Variants in CALN1 observed in about 807,000 individuals in gnomAD.
CALN1 encodes the protein calcium-binding protein 8.
Under a neutral mutation model 30.6 loss-of-function variants are expected in CALN1, and 17 were observed. The ratio of observed to expected loss-of-function variants is 0.56; its 90% CI spans 0.38 to 0.83. CALN1 has a LOEUF of 0.83. Among genes scored for constraint, CALN1 ranks in the 40% least tolerant of loss-of-function variants. CALN1 has a pLI of 0.00. For missense variants in CALN1, 291 were observed against 354.9 expected, an observed-to-expected ratio of 0.82 and a Z score of 1.45; for synonymous variants, 156 against 131.4, an observed-to-expected ratio of 1.19 and a Z score of -1.28.
In CALN1 at chr7:72,013,515, G is replaced by A. The variant is rs117577972; in HGVS notation, c.501+10142C>T. ...GATCCTCCTGTCTTAGCCTCCCAAC[G>A]TGTTGGAATTACAGACAGGAGATAC... On this transcript the variant is annotated intron_variant, in intron 5 of 6. Coordinates refer to ENST00000395275, the MANE Select transcript of CALN1 (RefSeq NM_031468.4). Among the ~76,000 whole-genome samples the A allele has an allele frequency of 5.8e-3, 880 of 152,058 alleles. 9 individuals carry two copies. Among genetic ancestry groups the A allele is most frequent in the Non-Finnish European group, 8.2e-3 (560 of 67,972 alleles).
chr7:71,910,814 C>CT (rs1297298631), intron 5 of CALN1, among the ~76,000 whole-genome samples: 1 of 152,118 alleles, frequency 6.6e-6, no homozygotes, highest in Non-Finnish European at 1.5e-5. Flanking sequence ...TCCTATGAAC[C>CT]TGGGCACTAC....
intron 3 of CALN1, among the ~76,000 whole-genome samples, chr7:72,227,818 C>CCAGCCTGGGCAACAGAGCAAGACTCCG (rs1562767546): frequency 6.6e-6 from 1 of 152,060 alleles, no homozygotes. Context: ...CCACTGCACT[C>CCAGCCTGGGCAACAGAGCAAGACTCCG]TGAATCATTA....
chr7:72,226,809 A>G (rs11976062), intron 3 of CALN1, among the ~76,000 whole-genome samples: 83,107 of 151,946 alleles, frequency 0.55, 22,927 homozygotes, highest in South Asian at 0.65. Context: ...TTGGGAGGCC[A>G]AGGTGAGCAG....
At chr7:72,378,919 G>C (rs542731440) in intron 2 of CALN1, among the ~76,000 whole-genome samples, 112 of 152,150 alleles carry the variant, frequency 7.4e-4, no homozygotes, top group African/African-American at 2.5e-3. Flanking sequence ...ATGAATGTTG[G>C]ATTTTGTTAA....
At chr7:72,002,203 A>G (rs1309851693) in intron 5 of CALN1, among the ~76,000 whole-genome samples, 1 of 152,186 alleles carries the variant, frequency 6.6e-6, no homozygotes, top group East Asian at 1.9e-4. Context: ...TTGATCCTGA[A>G]AAACCACTGT....
chr7:72,162,933 G>A (rs1039407877), intron 3 of CALN1, among the ~76,000 whole-genome samples: 3 of 152,188 alleles, frequency 2.0e-5, no homozygotes, highest in Non-Finnish European at 4.4e-5. Context: ...ATTCCAGAAA[G>A]GAGAGAGCTG....
At chr7:71,933,370 G>A (rs1795661720) in intron 5 of CALN1, among the ~76,000 whole-genome samples, 1 of 152,142 alleles carries the variant, frequency 6.6e-6, no homozygotes, top group Admixed American at 6.5e-5. Context: ...TATAAAATCT[G>A]GTGAACGCCG....
chr7:72,365,230 AG>A lies in CALN1; in HGVS notation c.119+38020del, dbSNP rs1270748821. Among the ~76,000 whole-genome samples the A allele has an allele frequency of 2.0e-5, 3 of 152,106 alleles. No homozygotes were observed. The East Asian group carries it at 5.8e-4, about 29-fold the overall frequency. On this transcript the variant is annotated intron_variant, in intron 2 of 6. Coordinates refer to ENST00000395275, the MANE Select transcript of CALN1 (RefSeq NM_031468.4). The stretch of plus-strand genomic sequence containing the variant: ...TGAGGCAGGAGAATCACCTGAACCC[AG>A]GAGGGTTCAGCAAGACCCCATCTTT...
intron 3 of CALN1, among the ~76,000 whole-genome samples, chr7:72,247,488 C>CTTGT (rs1795270942): frequency 6.6e-6 from 1 of 151,554 alleles, no homozygotes; most frequent in Admixed American, 6.6e-5. Context: ...CCTTGTGGAC[C>CTTGT]TTGTGATCTG....
chr7:71,962,080 G>C (rs1457150371), intron 5 of CALN1, among the ~76,000 whole-genome samples: 1 of 148,156 alleles, frequency 6.7e-6, no homozygotes, highest in Non-Finnish European at 1.5e-5. Flanking sequence ...GCAAGTGCAA[G>C]ATAGGAAAGT....
intron 4 of CALN1, among the ~76,000 whole-genome samples, chr7:72,081,417 G>GTGTGTGTGTGTGTGTGTGTGTCTGTGTC (rs145997789): frequency 6.8e-6 from 1 of 146,190 alleles, no homozygotes; most frequent in South Asian, 2.3e-4. Context: ...GTGTGTGTGT[G>GTGTGTGTGTGTGTGTGTGTGTCTGTGTC]TGTGTGTTTG....
At chr7:71,960,001 G>C (rs934922016) in intron 5 of CALN1, among the ~76,000 whole-genome samples, 3 of 151,812 alleles carry the variant, frequency 2.0e-5, no homozygotes, top group African/African-American at 7.3e-5. Flanking sequence ...GGGCGTGGTG[G>C]CGGGCACCTG....
chr7:72,454,510 C>G, the CALN1 span, among the ~76,000 whole-genome samples: 2 of 152,218 alleles, frequency 1.3e-5, no homozygotes, highest in African/African-American at 4.8e-5. Flanking sequence ...AGACACCAGA[C>G]CCTGCCACTA....
intron 4 of CALN1, among the ~76,000 whole-genome samples, chr7:72,032,489 C>G (rs549462468): frequency 6.6e-6 from 1 of 152,172 alleles, no homozygotes; most frequent in South Asian, 2.1e-4. Flanking sequence ...CTGCACCCGA[C>G]AAGAACCCTG....
chr7:71,804,601 T>C (rs1787497078), intron 6 of CALN1, among the ~76,000 whole-genome samples: 1 of 152,168 alleles, frequency 6.6e-6, no homozygotes, highest in Non-Finnish European at 1.5e-5. Flanking sequence ...GGAGGATCAC[T>C]TGATGTCAGG....
intron 3 of CALN1, among the ~76,000 whole-genome samples, chr7:72,278,401 AG>A (rs898815936): frequency 3.3e-5 from 5 of 151,206 alleles, no homozygotes; most frequent in Admixed American, 3.3e-4. Flanking sequence ...AGAGAGGTGA[AG>A]GCTATCCCCC....
chr7:72,105,728 A>AGAG (rs1171675906), intron 4 of CALN1, among the ~76,000 whole-genome samples: 1 of 146,924 alleles, frequency 6.8e-6, no homozygotes, highest in Non-Finnish European at 1.5e-5. Context: ...GTTATTTAGA[A>AGAG]GAGGAGGAGG....
chr7:72,397,714 T>TCTCTCTCTCACACACA (rs142607076), intron 2 of CALN1, among the ~76,000 whole-genome samples: 3 of 142,910 alleles, frequency 2.1e-5, no homozygotes, highest in African/African-American at 7.8e-5. Context: ...CCATTCTCTC[T>TCTCTCTCTCACACACA]CACACACACA....
At chr7:71,981,520 C>T (rs894221297) in intron 5 of CALN1, among the ~76,000 whole-genome samples, 2 of 151,892 alleles carry the variant, frequency 1.3e-5, no homozygotes, top group African/African-American at 4.8e-5. Context: ...AAAAATTAGC[C>T]AGGCACACCT....
Sources: gnomAD v4.1 joint callset for allele counts (sites outside exome capture counted in the v4.1 genomes callset) on GRCh38, gnomAD v4.1.1 for gene constraint, MANE v1.5 for transcripts, NCBI Gene and HGNC (gene_info 2026-07-23, HGNC 2026-07-21) for gene names.